Variants in RHBDL3 observed in about 807,000 individuals in gnomAD.
RHBDL3 encodes rhomboid-related protein 3.
RHBDL3 carries 28 observed loss-of-function variants against 48.2 expected under a neutral mutation model. The ratio of observed to expected loss-of-function variants is 0.58; its 90% CI spans 0.43 to 0.80. RHBDL3 has a LOEUF of 0.80. Among genes scored for constraint, RHBDL3 ranks in the 30% least tolerant of loss-of-function variants. The pLI, the probability that RHBDL3 is intolerant of heterozygous loss-of-function variation, is 0.00. For missense variants in RHBDL3, 464 were observed against 542.7 expected (o/e 0.85, Z 1.44); for synonymous variants, 208 against 232.3 (o/e 0.90, Z 0.95).
intron 4 of RHBDL3, among the ~76,000 whole-genome samples, chr17:32,289,577 G>A (rs992837701): frequency 6.6e-6 from 1 of 152,130 alleles, no homozygotes; most frequent in African/African-American, 2.4e-5. Flanking sequence ...GGTAAATATG[G>A]GCTTAACATT....
chr17:32,298,418 G>T (rs1233664164), intron 6 of RHBDL3, among the ~76,000 whole-genome samples: 1 of 152,248 alleles, frequency 6.6e-6, no homozygotes. Flanking sequence ...GTGGCAGGAC[G>T]GGGGAGGAGA....
intron 7 of RHBDL3, among the ~76,000 whole-genome samples, chr17:32,310,330 C>A (rs1383708096): frequency 2.0e-5 from 3 of 151,708 alleles, no homozygotes; most frequent in Admixed American, 2.0e-4. Flanking sequence ...GCCTGTAATC[C>A]CTGCACTTTG....
chr17:32,317,836 G>A (rs2041012662), intron 8 of RHBDL3, among the ~76,000 whole-genome samples: 1 of 152,066 alleles, frequency 6.6e-6, no homozygotes, highest in African/African-American at 2.4e-5. Flanking sequence ...ATAGATTGTG[G>A]GGACAAGGGG....
intron 3 of RHBDL3, 38 bp from the exon 4 acceptor site, chr17:32,288,754 C>A: frequency 6.6e-7 from 1 of 1,523,324 alleles, no homozygotes; most frequent in South Asian, 1.2e-5. Flanking sequence ...CCGCTGGGCC[C>A]CAGCTCTGAC....
intron 2 of RHBDL3, among the ~76,000 whole-genome samples, chr17:32,273,335 G>T (rs1430975603): frequency 1.3e-5 from 2 of 152,214 alleles, no homozygotes; most frequent in African/African-American, 4.8e-5. Context: ...GGAAACAGAA[G>T]TCAGTGGCCT....
chr17:32,286,934 G>A (rs1039034464), intron 3 of RHBDL3, among the ~76,000 whole-genome samples: 2 of 152,188 alleles, frequency 1.3e-5, no homozygotes, highest in African/African-American at 4.8e-5. Flanking sequence ...GCTCTGTATG[G>A]GCTAGCATGG....
At chr17:32,293,684 TG>T (rs201394815) in intron 4 of RHBDL3, among the ~76,000 whole-genome samples, 2 of 152,054 alleles carry the variant, frequency 1.3e-5, no homozygotes, top group East Asian at 1.9e-4. Context: ...ATCTCCCAAG[TG>T]GGTGCGTGAG....
At chr17:32,288,005 C>T (rs2040237411) in intron 3 of RHBDL3, among the ~76,000 whole-genome samples, 1 of 152,172 alleles carries the variant, frequency 6.6e-6, no homozygotes, top group Admixed American at 6.5e-5. Context: ...AGAGCTGGTC[C>T]CCAGGTGGAG....
At chr17:32,279,027 C>G (rs1455641801) in intron 2 of RHBDL3, among the ~76,000 whole-genome samples, 2 of 152,058 alleles carry the variant, frequency 1.3e-5, no homozygotes, top group African/African-American at 4.8e-5. Flanking sequence ...ACTCAGGAAG[C>G]AAACACAGGA....
Position 32,310,638 on chromosome 17 carries a change from G to C in RHBDL3, c.882+5197G>C, listed in dbSNP as rs193145102. ...TGAGGCAGAAGAATCGCTTGAACTC[G>C]GGAGGCGGAGGTTGCAGTGAGCCAA... On this transcript the variant is annotated intron_variant, in intron 7 of 8. Coordinates refer to ENST00000269051, the MANE Select transcript of RHBDL3 (RefSeq NM_138328.3). Among the ~76,000 whole-genome samples, 165 of 151,818 alleles carry C rather than the reference G, an allele frequency of 1.1e-3. 2 individuals are homozygous for C. Among genetic ancestry groups the C allele is most frequent in the Admixed American group, 3.0e-3 (46 of 15,182 alleles).
intron 2 of RHBDL3, among the ~76,000 whole-genome samples, chr17:32,283,639 A>G (rs1006925714): frequency 6.6e-6 from 1 of 152,102 alleles, no homozygotes; most frequent in Non-Finnish European, 1.5e-5. Context: ...TGCCTTTTCT[A>G]ACTGAACTGA....
At chr17:32,308,655 A>C (rs1007614117) in intron 7 of RHBDL3, among the ~76,000 whole-genome samples, 12 of 152,230 alleles carry the variant, frequency 7.9e-5, no homozygotes, top group Non-Finnish European at 1.5e-4. Flanking sequence ...TTTATTGACG[A>C]TGAAAGAAAA....
chr17:32,274,842 A>G (rs953883926), intron 2 of RHBDL3, among the ~76,000 whole-genome samples: 1 of 151,966 alleles, frequency 6.6e-6, no homozygotes, highest in Non-Finnish European at 1.5e-5. Flanking sequence ...GTGTGTATGC[A>G]TGCATGTGTG....
intron 2 of RHBDL3, among the ~76,000 whole-genome samples, chr17:32,276,343 C>T (rs949912494): frequency 1.3e-5 from 2 of 152,098 alleles, no homozygotes; most frequent in African/African-American, 4.8e-5. Context: ...GGTGAATTAG[C>T]ATCCTCATTT....
chr17:32,300,053 G>A (rs964785886), intron 6 of RHBDL3, among the ~76,000 whole-genome samples: 3 of 152,146 alleles, frequency 2.0e-5, no homozygotes, highest in African/African-American at 4.8e-5. Flanking sequence ...GCAACGCTAC[G>A]AGGTGGGCAC....
At chr17:32,311,434 C>T (rs1381054349) in intron 7 of RHBDL3, among the ~76,000 whole-genome samples, 1 of 152,114 alleles carries the variant, frequency 6.6e-6, no homozygotes, top group Admixed American at 6.5e-5. Context: ...GGCGTTTTTT[C>T]GCTCCATTTG....
chr17:32,300,026 C>T (rs1194490716), intron 6 of RHBDL3, among the ~76,000 whole-genome samples: 1 of 152,152 alleles, frequency 6.6e-6, no homozygotes, highest in Non-Finnish European at 1.5e-5. Flanking sequence ...ATATGCAGGC[C>T]GTAATTCATC....
intron 5 of RHBDL3, among the ~76,000 whole-genome samples, chr17:32,297,194 G>A (rs936314914): frequency 6.6e-5 from 10 of 151,970 alleles, no homozygotes; most frequent in South Asian, 2.1e-4. Context: ...ATGGCCAGGC[G>A]CAGTGGCTCA....
chr17:32,284,616 G>T, intron 2 of RHBDL3, 43 bp from the exon 3 acceptor site: 1 of 1,601,610 alleles, frequency 6.2e-7, no homozygotes. Context: ...GTGAAGAGGA[G>T]GTGGTGCCCT....
Sources: gnomAD v4.1 joint callset for allele counts (sites outside exome capture counted in the v4.1 genomes callset) on GRCh38, gnomAD v4.1.1 for gene constraint, MANE v1.5 for transcripts, NCBI Gene and HGNC (gene_info 2026-07-23, HGNC 2026-07-21) for gene names.